Variants in OAS1 observed in about 807,000 individuals in gnomAD.
The protein encoded by OAS1 is 2'-5'-oligoadenylate synthetase 1.
OAS1 carries 24 observed loss-of-function variants against 38.5 expected under a neutral mutation model. That is an observed-to-expected ratio of 0.62 (90% CI 0.45 to 0.88). The LOEUF is 0.88. Ranked by LOEUF, OAS1 falls within the 40% of genes least tolerant of loss-of-function variation. OAS1 has a pLI of 0.00. For missense variants in OAS1, 482 were observed against 493.9 expected, an observed-to-expected ratio of 0.98 and a Z score of 0.23; for synonymous variants, 169 against 193.9, an observed-to-expected ratio of 0.87 and a Z score of 1.07.
rs926469885 is a variant in OAS1 at position 112,917,945 on chromosome 12, C to T, written c.1038+245C>T. ...GAGTAATAATAAATAATCTCTAACA[C>T]CATTTATTGACTGTCTGCTTCGGGC... On this transcript the variant is annotated intron_variant, in intron 5 of 5. Coordinates refer to ENST00000202917, the MANE Select transcript of OAS1 (RefSeq NM_016816.4). The T allele has an allele frequency of 9.1e-6, 13 of 1,421,384 alleles. No homozygotes were observed. The African/African-American group carries it at 1.7e-4, about 19-fold the overall frequency. 88.0% of individuals were successfully genotyped at this position (1,421,384 alleles called of 1,614,324 possible).
chr12:112,908,801 T>C lies in OAS1; in HGVS notation c.446T>C (p.Val149Ala). 6.2e-7 allele frequency: 1 copy of C among 1,601,344 alleles called. No individual in the cohort carries two copies. Among genetic ancestry groups the C allele is most frequent in the East Asian group, 2.2e-5 (1 of 44,640 alleles). The change falls in exon 2 of 6, where the codon GTG becomes GCG. Residue 149 changes from valine to alanine, a missense_variant. Physicochemically the swap from Val to Ala is moderately conservative, Grantham distance 64. Transcript: ENST00000202917. ...LQLGEGVEFD[V>A]LPAFDALGQL... ...CTCGGGGAGGGGGTGGAGTTCGATGTGCTGCCTGCCTTTGATGCCCTGGGT... is the reference window on the plus strand; with the variant it reads ...CTCGGGGAGGGGGTGGAGTTCGATGCGCTGCCTGCCTTTGATGCCCTGGGT...
chr12:112,912,465 A>G (rs1025579446), intron 3 of OAS1, among the ~76,000 whole-genome samples: 3 of 152,258 alleles, frequency 2.0e-5, no homozygotes, highest in Non-Finnish European at 4.4e-5. Context: ...ATAATCAGGA[A>G]TAAACTTTCC....
chr12:112,932,594 A>G (rs2043604566), downstream of OAS1: 1 of 152,512 alleles, frequency 6.6e-6, no homozygotes, highest in Non-Finnish European at 1.5e-5. Flanking sequence ...CTACATCTCA[A>G]AAAAACAAAA....
At chr12:112,917,321 G>T (rs1005370868) in intron 4 of OAS1, among the ~76,000 whole-genome samples, 1 of 152,146 alleles carries the variant, frequency 6.6e-6, no homozygotes, top group Non-Finnish European at 1.5e-5. Context: ...AAAGGGCAGA[G>T]GTGGGATTCA....
intron 6 of OAS1, among the ~76,000 whole-genome samples, chr12:112,927,902 A>T (rs2043570292): frequency 6.6e-6 from 1 of 152,140 alleles, no homozygotes; most frequent in African/African-American, 2.4e-5. Flanking sequence ...AATTACAGAC[A>T]CCTTTGCATT....
At chr12:112,917,863 T>A in intron 5 of OAS1, 163 bp downstream of exon 5, 1 of 1,522,662 alleles carries the variant, frequency 6.6e-7, no homozygotes, top group Non-Finnish European at 8.8e-7. Flanking sequence ...GTCATTTTGG[T>A]CACAATCGAG....
chr12:112,907,050 T>C lies in OAS1; in HGVS notation c.11T>C (p.Leu4Pro). ...CTCTCTCTCCTGTCAATGATGGATC[T>C]CAGAAATACCCCAGCCAAATCTCTG... MMD[L>P]RNTPAKSLDK... The change falls in exon 1 of 6, where the codon CTC becomes CCC. Residue 4 changes from leucine (L) to proline (P), a missense_variant. Coordinates refer to ENST00000202917, the MANE Select transcript of OAS1 (RefSeq NM_016816.4). The C allele has an allele frequency of 1.2e-6, 2 of 1,614,240 alleles. No individual in the cohort carries two copies. Among genetic ancestry groups the C allele is most frequent in the Non-Finnish European group, 1.7e-6 (2 of 1,180,052 alleles).
intron 2 of OAS1, 58 bp downstream of exon 2, chr12:112,908,882 C>G: frequency 6.6e-7 from 1 of 1,518,652 alleles, no homozygotes; most frequent in Non-Finnish European, 8.8e-7. Context: ...AAATCTCCCA[C>G]AGTTTGAGAG....
chr12:112,907,378 T>A (rs971651221), intron 1 of OAS1, among the ~76,000 whole-genome samples, 159 bp downstream of exon 1: 1 of 152,190 alleles, frequency 6.6e-6, no homozygotes, highest in African/African-American at 2.4e-5. Context: ...GTTTCTTATT[T>A]ATCCACACAG....
At chr12:112,933,149 C>T (rs1315365748), downstream of OAS1, 2 of 152,340 alleles carry the variant, frequency 1.3e-5, no homozygotes, top group Admixed American at 6.5e-5. Context: ...CCCCCTTGAA[C>T]CTCACTCTAC....
In OAS1 at chr12:112,911,064, C is replaced by A. The variant is rs765576317; in HGVS notation, c.483C>A (p.Gly161=). The A allele has an allele frequency of 6.2e-7, 1 of 1,613,420 alleles. No individual in the cohort carries two copies. The highest frequency in any genetic ancestry group is 8.5e-7 in the Non-Finnish European group (1 of 1,179,638). ...TTGCCCGAACAGGTCAGTTGACTGG[C>A]GGCTATAAACCTAACCCCCAAATCT... ...PAFDALGQLT[G]GYKPNPQIYV... Residue 161 remains glycine, a synonymous_variant, in exon 3 of 6, where the codon GGC becomes GGA. Transcript: ENST00000202917.
intron 5 of OAS1, chr12:112,918,673 C>G: frequency 2.2e-6 from 1 of 455,850 alleles, no homozygotes; most frequent in Non-Finnish European, 4.4e-6. Context: ...GGAATTCAAG[C>G]TCAGTGGACT....
Position 112,908,971 on chromosome 12 carries a change from C to T in OAS1, c.469+147C>T, listed in dbSNP as rs150082040. On this transcript the variant is annotated intron_variant, in intron 2 of 5. Transcript: ENST00000202917. ...ATCTGTCCCGGGGCAAGAATGAATA[C>T]GGTCATGATCTATCACAGGAGAGAC... 3.9e-5 allele frequency: 30 copies of T among 776,970 alleles called. No individual in the cohort carries two copies. The East Asian group carries it at 5.3e-4, about 14-fold the overall frequency. The allele number at this position is 776,970 out of a possible 1,614,324, so 48.1% of individuals were successfully genotyped here.
At position 112,907,118 on chromosome 12, in the gene OAS1, C is replaced by A; in HGVS notation, c.79C>A (p.Arg27Ser). 6.2e-7 allele frequency: 1 copy of A among 1,614,162 alleles called. No individual in the cohort carries two copies. Among genetic ancestry groups the A allele is most frequent in the East Asian group, 2.2e-5 (1 of 44,888 alleles). ...EDYLLPDTCF[R>S]MQINHAIDII... ...CTATCTCTTGCCAGACACGTGTTTC[C>A]GCATGCAAATCAACCATGCCATTGA... Residue 27 changes from arginine (R) to serine (S), a missense_variant, in exon 1 of 6, where the codon CGC (arginine) becomes AGC (serine). Physicochemically the swap from Arg to Ser is moderately radical, Grantham distance 110. Transcript: ENST00000202917.
chr12:112,916,019 C>T (rs2043449267), intron 3 of OAS1, among the ~76,000 whole-genome samples: 1 of 152,086 alleles, frequency 6.6e-6, no homozygotes, highest in Non-Finnish European at 1.5e-5. Context: ...ATGTATATTC[C>T]TCCAGAAAGA....
chr12:112,909,188 C>T (rs574681700), intron 2 of OAS1, among the ~76,000 whole-genome samples: 9 of 152,114 alleles, frequency 5.9e-5, no homozygotes, highest in Non-Finnish European at 1.2e-4. Flanking sequence ...GTATGCAGCA[C>T]GTTGGGAGAT....
chr12:112,917,407 G>C, intron 4 of OAS1, 140 bp from the exon 5 acceptor site: 1 of 1,092,460 alleles, frequency 9.2e-7, no homozygotes, highest in Non-Finnish European at 1.3e-6. Context: ...AGGGCACTGG[G>C]GACATACCCC....
chr12:112,908,459 A>G, intron 1 of OAS1, 77 bp from the exon 2 acceptor site: 1 of 1,391,818 alleles, frequency 7.2e-7, no homozygotes, highest in Non-Finnish European at 9.8e-7. Flanking sequence ...CCATAATGTT[A>G]GTGATTGCTC....
intron 5 of OAS1, 23 bp from the exon 6 acceptor site, chr12:112,919,366 G>T (rs1470103603): frequency 6.3e-7 from 1 of 1,598,734 alleles, no homozygotes; most frequent in East Asian, 2.2e-5. Context: ...TCCCTGATGT[G>T]ATCATGTGTC....
Sources: allele counts gnomAD v4.1 joint callset (sites outside exome capture counted in the v4.1 genomes callset), GRCh38; gene constraint gnomAD v4.1.1; transcripts MANE v1.5; gene names NCBI Gene and HGNC (gene_info 2026-07-23, HGNC 2026-07-21).